NGLY1: variants seen among roughly 807,000 people sequenced by gnomAD.
The protein encoded by NGLY1 is N-glycanase 1.
Under a neutral mutation model 84.6 loss-of-function variants are expected in NGLY1, and 68 were observed. The observed-to-expected ratio is 0.80, with a 90% CI of 0.66 to 0.98. The LOEUF (loss-of-function observed/expected upper bound fraction) is 0.98, where lower values mean the gene tolerates loss of function less well. NGLY1 is among the 50% of genes least tolerant of loss of function. The pLI, the probability that NGLY1 is intolerant of heterozygous loss-of-function variation, is 0.00. For missense variants in NGLY1, 779 were observed against 770.2 expected (o/e 1.01, Z -0.14); for synonymous variants, 280 against 275.2 (o/e 1.02, Z -0.17).
intron 4 of NGLY1, among the ~76,000 whole-genome samples, chr3:25,740,070 T>C (rs1271822334): frequency 6.6e-6 from 1 of 152,160 alleles, no homozygotes; most frequent in Non-Finnish European, 1.5e-5. Context: ...CTGAACACAA[T>C]GACCTCTTAG....
At chr3:25,726,501 G>T (rs975365274) in intron 10 of NGLY1, among the ~76,000 whole-genome samples, 2 of 152,156 alleles carry the variant, frequency 1.3e-5, no homozygotes, top group African/African-American at 4.8e-5. Context: ...GAGGGAGTGA[G>T]GCTTGGGCCA....
intron 10 of NGLY1, among the ~76,000 whole-genome samples, chr3:25,722,993 T>C (rs1705082580): frequency 6.6e-6 from 1 of 152,190 alleles, no homozygotes; most frequent in Non-Finnish European, 1.5e-5. Flanking sequence ...GACATAAACA[T>C]TAACAGATAT....
chr3:25,789,900 C>G, exon 1 of NGLY1: 2 of 1,551,658 alleles, frequency 1.3e-6, no homozygotes, highest in Admixed American at 3.9e-5. Flanking sequence ...ATCGGCGAGT[C>G]ACTGAGGTTC....
At chr3:25,754,364 A>T (rs1358205549) in intron 3 of NGLY1, among the ~76,000 whole-genome samples, 5 of 152,244 alleles carry the variant, frequency 3.3e-5, no homozygotes, top group African/African-American at 9.6e-5. Context: ...CAGAAGGAAC[A>T]GCACAAAGGT....
intron 2 of NGLY1, among the ~76,000 whole-genome samples, chr3:25,766,906 G>A (rs1385336165): frequency 6.6e-6 from 1 of 152,104 alleles, no homozygotes; most frequent in Admixed American, 6.5e-5. Flanking sequence ...TATGGCCAAA[G>A]TGTCTATATC....
chr3:25,749,885 GA>G, intron 4 of NGLY1: 1 of 811,610 alleles, frequency 1.2e-6, no homozygotes, highest in African/African-American at 1.8e-5. Flanking sequence ...GCACAGCGAA[GA>G]AAATGAGTAG....
chr3:25,744,888 C>A (rs1484342619), intron 4 of NGLY1, among the ~76,000 whole-genome samples: 1 of 152,106 alleles, frequency 6.6e-6, no homozygotes, highest in Non-Finnish European at 1.5e-5. Flanking sequence ...TACATCCGAG[C>A]CGAAAAGACA....
rs1020800264 is a variant in NGLY1 at position 25,789,946 on chromosome 3, C to G, written c.-81G>C. 4.6e-6 allele frequency: 7 copies of G among 1,518,922 alleles called. No homozygotes were observed. The African/African-American group carries it at 8.3e-5, about 18-fold the overall frequency. The allele number at this position is 1,518,922 out of a possible 1,614,324, so 94.1% of individuals were successfully genotyped here. A position where few individuals can be genotyped will look rare whatever the true frequency, so the allele number is the denominator to read the frequency against. The stretch of plus-strand genomic sequence containing the variant: ...GTCTCTGCTCACGCAAACAGCTACC[C>G]AGCCGCCTCCCACGGTCTGACCTCA... On this transcript the variant is annotated 5_prime_UTR_variant, in exon 1 of 12. Coordinates refer to the NGLY1 transcript ENST00000417874.
chr3:25,781,201 T>C (rs935593044), intron 1 of NGLY1, among the ~76,000 whole-genome samples: 1 of 152,166 alleles, frequency 6.6e-6, no homozygotes, highest in Non-Finnish European at 1.5e-5. Flanking sequence ...TCCGCCCACC[T>C]TGGCCTCCCA....
Position 25,733,513 on chromosome 3 carries a change from GTGTA to G in NGLY1, c.1260+355_1260+358del, listed in dbSNP as rs1210406614. Among the ~76,000 whole-genome samples, 320 of 128,182 alleles carry G rather than the reference GTGTA, an allele frequency of 2.5e-3. 4 individuals are homozygous for G. The highest frequency in any genetic ancestry group is 8.7e-3 in the African/African-American group (288 of 32,954). 84.1% of individuals were successfully genotyped at this position (128,182 alleles called of 152,430 possible). ...TGTGTGTGTGTGTGTGTGTGTGTGT[GTGTA>G]TGTACATACATAATACATAAATATG... is the stretch of plus-strand genomic sequence containing the variant. On this transcript the variant is annotated intron_variant, in intron 8 of 11. Coordinates refer to ENST00000280700, the MANE Select transcript of NGLY1 (RefSeq NM_018297.4).
chr3:25,726,669 G>T (rs1231422045), intron 10 of NGLY1, among the ~76,000 whole-genome samples: 1 of 152,204 alleles, frequency 6.6e-6, no homozygotes, highest in East Asian at 1.9e-4. Context: ...TGGAAAAGAC[G>T]TGGAGCTATG....
chr3:25,737,105 G>T (rs946315459), intron 6 of NGLY1: 5 of 373,186 alleles, frequency 1.3e-5, no homozygotes, highest in African/African-American at 1.0e-4. Context: ...GGGAAAAAAA[G>T]GAATATTTAT....
chr3:25,719,912 T>C (rs1455730347), intron 11 of NGLY1, 102 bp downstream of exon 11: 31 of 999,900 alleles, frequency 3.1e-5, no homozygotes, highest in Non-Finnish European at 4.4e-5. Context: ...ATAGTATTAA[T>C]AACTCTTAGG....
chr3:25,784,575 A>T (rs897817103), upstream of NGLY1, among the ~76,000 whole-genome samples: 4 of 152,154 alleles, frequency 2.6e-5, no homozygotes, highest in Non-Finnish European at 4.4e-5. Context: ...CAACCTCACG[A>T]AGTATTTTTC....
chr3:25,758,128 G>A (rs1251004373), intron 3 of NGLY1, among the ~76,000 whole-genome samples: 1 of 152,158 alleles, frequency 6.6e-6, no homozygotes, highest in African/African-American at 2.4e-5. Flanking sequence ...CACATCATCT[G>A]CTTTTTTGGC....
At chr3:25,787,775 C>T (rs1708636534), upstream of NGLY1, among the ~76,000 whole-genome samples, 1 of 152,188 alleles carries the variant, frequency 6.6e-6, no homozygotes. Context: ...GTGATCTGGG[C>T]CCTGCCTTAC....
At chr3:25,776,281 C>G (rs1708150457) in intron 2 of NGLY1, among the ~76,000 whole-genome samples, 1 of 152,160 alleles carries the variant, frequency 6.6e-6, no homozygotes, top group Admixed American at 6.5e-5. Context: ...ACTGGAATGG[C>G]TGGCTACCCT....
upstream of NGLY1, among the ~76,000 whole-genome samples, chr3:25,785,135 CAAAA>C (rs1159268520): frequency 0.048 from 3,700 of 77,106 alleles, 125 homozygotes; most frequent in African/African-American, 0.15. Context: ...CCTGCTTGGA[CAAAA>C]AAAAAAAAAA....
rs1708253975 is a variant in NGLY1 at position 25,778,507 on chromosome 3, ATTCACC to A, written c.246+61_246+66del. On this transcript the variant is annotated intron_variant, in intron 2 of 11. Transcript: ENST00000280700. ...AAAACATTATCTTATTCAAACAATT[ATTCACC>A]AACATGATAATGGCTGCTTTGTGCA... 1.5e-5 allele frequency: 12 copies of A among 802,794 alleles called. No individual in the cohort carries two copies. In the South Asian group the frequency reaches 2.5e-4, roughly 17 times the overall value. The allele number at this position is 802,794 out of a possible 1,614,324, so 49.7% of individuals were successfully genotyped here.
Sources: gnomAD v4.1 joint callset for allele counts (sites outside exome capture counted in the v4.1 genomes callset) on GRCh38, gnomAD v4.1.1 for gene constraint, MANE v1.5 for transcripts, NCBI Gene and HGNC (gene_info 2026-07-23, HGNC 2026-07-21) for gene names.